Variants in ROBO2 observed in about 807,000 individuals in gnomAD.
The protein encoded by ROBO2 is roundabout guidance receptor 2.
A neutral mutation model predicts 160.8 loss-of-function variants in ROBO2; 53 were observed. That is an observed-to-expected ratio of 0.33 (90% confidence interval 0.26 to 0.41). The LOEUF is 0.41. ROBO2 is among the 10% of genes least tolerant of loss of function. The pLI is 1.00. For synonymous variants in ROBO2, 664 were observed against 611.7 expected (o/e 1.09, Z -1.26); for missense variants, 1,577 against 1,722.4 (o/e 0.92, Z 1.49).
chr3:76,671,915 T>G (rs1480301641), intron 2 of ROBO2, among the ~76,000 whole-genome samples: 1 of 152,014 alleles, frequency 6.6e-6, no homozygotes, highest in African/African-American at 2.4e-5. Flanking sequence ...TATGGTTGAT[T>G]CAGAAACTGA....
chr3:76,898,940 A>T (rs184685101), intron 2 of ROBO2, among the ~76,000 whole-genome samples: 1 of 152,306 alleles, frequency 6.6e-6, no homozygotes, highest in African/African-American at 2.4e-5. Context: ...GAACGTGGAC[A>T]TTCAAGAACA....
chr3:75,917,998 G>T (rs998284868), intron 1 of ROBO2, among the ~76,000 whole-genome samples: 45 of 151,954 alleles, frequency 3.0e-4, no homozygotes, highest in Non-Finnish European at 5.4e-4. Flanking sequence ...GTTCACTCTG[G>T]TGATAGTTTA....
At chr3:77,103,628 T>A (rs1218759530) in intron 2 of ROBO2, among the ~76,000 whole-genome samples, 1 of 152,190 alleles carries the variant, frequency 6.6e-6, no homozygotes, top group Non-Finnish European at 1.5e-5. Context: ...TCTTTTTCTC[T>A]TATTTTTTGT....
intron 2 of ROBO2, among the ~76,000 whole-genome samples, chr3:76,962,551 T>G (rs978714298): frequency 6.7e-6 from 1 of 148,338 alleles, no homozygotes; most frequent in Non-Finnish European, 1.5e-5. Flanking sequence ...GGCAGGAGAA[T>G]CACTTGAACC....
chr3:76,059,743 G>A (rs918617915), intron 2 of ROBO2, among the ~76,000 whole-genome samples: 1 of 152,100 alleles, frequency 6.6e-6, no homozygotes, highest in East Asian at 1.9e-4. Context: ...TGTCCTGAAT[G>A]GTATTGCCTA....
At chr3:77,009,396 T>A (rs2061747731) in intron 2 of ROBO2, among the ~76,000 whole-genome samples, 1 of 152,204 alleles carries the variant, frequency 6.6e-6, no homozygotes, top group Admixed American at 6.5e-5. Flanking sequence ...AATCCAAGTT[T>A]TTAACAATTT....
intron 2 of ROBO2, among the ~76,000 whole-genome samples, chr3:77,348,820 C>T (rs1247921653): frequency 6.6e-6 from 1 of 152,124 alleles, no homozygotes; most frequent in Non-Finnish European, 1.5e-5. Context: ...GTTAGTCTCT[C>T]CCCAGGGCTA....
chr3:76,051,650 CTACTT>C (rs2067657026), intron 2 of ROBO2, among the ~76,000 whole-genome samples: 1 of 152,048 alleles, frequency 6.6e-6, no homozygotes, highest in Non-Finnish European at 1.5e-5. Context: ...TGCTACCACT[CTACTT>C]GACAGCAAAG....
At chr3:77,347,010 A>G (rs972284305) in intron 2 of ROBO2, among the ~76,000 whole-genome samples, 1 of 152,114 alleles carries the variant, frequency 6.6e-6, no homozygotes, top group Non-Finnish European at 1.5e-5. Flanking sequence ...TCACAGTAGT[A>G]CCTGAGGGAG....
At chr3:76,063,647 A>G (rs1444701321) in intron 2 of ROBO2, among the ~76,000 whole-genome samples, 4 of 151,966 alleles carry the variant, frequency 2.6e-5, no homozygotes, top group Non-Finnish European at 5.9e-5. Context: ...TACCCAGCCT[A>G]TGTTAACTTT....
At chr3:76,797,333 A>G (rs1443054592) in intron 2 of ROBO2, among the ~76,000 whole-genome samples, 1 of 152,182 alleles carries the variant, frequency 6.6e-6, no homozygotes, top group East Asian at 1.9e-4. Context: ...GTCCTCTTGA[A>G]TGACTAGTGG....
intron 2 of ROBO2, among the ~76,000 whole-genome samples, chr3:77,295,563 T>G (rs1263751320): frequency 6.2e-5 from 5 of 81,054 alleles, no homozygotes; most frequent in Admixed American, 5.9e-4. Flanking sequence ...AGTCATAAAG[T>G]AAAATTGACT....
chr3:76,866,072 C>T lies in ROBO2; in HGVS notation c.110-231942C>T, dbSNP rs547473245. Among the ~76,000 whole-genome samples, 12 of 152,096 alleles carry T rather than the reference C, an allele frequency of 7.9e-5. No individual in the cohort carries two copies. The East Asian group carries it at 2.3e-3, about 29-fold the overall frequency. ...TGATCTTTTCCTATCTAAAAACTGC[C>T]TTGAGGGTGCATGTTTCAGTCCATT... On this transcript the variant is annotated intron_variant, in intron 2 of 26. Coordinates refer to the ROBO2 transcript ENST00000487694.
rs57591523 is a variant in ROBO2 at position 76,504,519 on chromosome 3, CTTTTTTTTTTTT to C, written c.109+566934_109+566945del. Among the ~76,000 whole-genome samples the C allele has an allele frequency of 7.2e-4, 53 of 73,554 alleles. 1 individual carries two copies. The East Asian group carries it at 0.02, about 28-fold the overall frequency. 48.3% of individuals were successfully genotyped at this position (73,554 alleles called of 152,430 possible). ...TTCATCAGTAAGCTTAGAAAATACT[CTTTTTTTTTTTT>C]TTTTTTTTTTTTTTTTGAGACGGAG... On this transcript the variant is annotated intron_variant, in intron 2 of 26. Coordinates refer to the ROBO2 transcript ENST00000487694.
intron 2 of ROBO2, among the ~76,000 whole-genome samples, chr3:75,969,733 A>G (rs1178763998): frequency 6.6e-6 from 1 of 151,494 alleles, no homozygotes; most frequent in African/African-American, 2.4e-5. Context: ...TTGGCCATTT[A>G]TCAGTCGGAT....
chr3:76,459,132 C>T (rs372455586), intron 2 of ROBO2, among the ~76,000 whole-genome samples: 8 of 152,216 alleles, frequency 5.3e-5, no homozygotes, highest in Admixed American at 2.6e-4. Flanking sequence ...CACTCCGCTT[C>T]GTTTGTTTGT....
intron 1 of ROBO2, among the ~76,000 whole-genome samples, chr3:77,053,999 G>A (rs1328501794): frequency 6.6e-6 from 1 of 152,196 alleles, no homozygotes; most frequent in East Asian, 1.9e-4. Flanking sequence ...TTCAATGAAT[G>A]TGGCTTAAGT....
At chr3:76,213,227 C>T (rs1703264621) in intron 2 of ROBO2, among the ~76,000 whole-genome samples, 1 of 152,036 alleles carries the variant, frequency 6.6e-6, no homozygotes, top group African/African-American at 2.4e-5. Flanking sequence ...AACAGAGGTA[C>T]TCGCTTTCAG....
At chr3:76,325,941 A>G (rs1232131425) in intron 2 of ROBO2, among the ~76,000 whole-genome samples, 2 of 152,178 alleles carry the variant, frequency 1.3e-5, no homozygotes, top group African/African-American at 4.8e-5. Context: ...TCTGAGCCTA[A>G]CAGTATTGTA....
Sources: gnomAD v4.1 joint callset for allele counts (sites outside exome capture counted in the v4.1 genomes callset) on GRCh38, gnomAD v4.1.1 for gene constraint, MANE v1.5 for transcripts, NCBI Gene and HGNC (gene_info 2026-07-23, HGNC 2026-07-21) for gene names.